The following PCDH15 variants were observed in gnomAD, a reference collection of about 807,000 sequenced individuals.
PCDH15 encodes protocadherin-15.
A neutral mutation model predicts 178.5 loss-of-function variants in PCDH15; 129 were observed. The observed-to-expected ratio is 0.72, with a 90% CI of 0.63 to 0.84. The LOEUF (loss-of-function observed/expected upper bound fraction) is 0.84. Among genes scored for constraint, PCDH15 ranks in the 40% least tolerant of loss-of-function variants. The pLI is 0.00. For missense variants in PCDH15, 2,230 were observed against 2,099.9 expected (o/e 1.06, Z -1.21); for synonymous variants, 800 against 732.0 (o/e 1.09, Z -1.50).
chr10:54,594,622 C>T (rs1232020739), intron 2 of PCDH15, among the ~76,000 whole-genome samples: 2 of 152,170 alleles, frequency 1.3e-5, no homozygotes, highest in African/African-American at 4.8e-5. Context: ...TACTGCTTTG[C>T]TGGCAGGCAC....
chr10:55,303,086 G>GATAT lies in PCDH15; in HGVS notation c.-156+16509_-156+16512dup, dbSNP rs34113387. On this transcript the variant is annotated intron_variant, in intron 1 of 5. Transcript: ENST00000458638. Reference sequence around the variant, plus strand: ...AAGATAAGAAAACAAAGATATTTGAGATATATATATATATATATACACACA... The same window carrying GATAT: ...AAGATAAGAAAACAAAGATATTTGAGATATATATATATATATATATATACACACA... 6.9e-4 allele frequency among the ~76,000 whole-genome samples: 103 copies of GATAT among 149,530 alleles called. 1 individual carries two copies. The East Asian group carries it at 7.7e-3, about 11-fold the overall frequency.
At chr10:54,928,950 T>C (rs1837698795) in intron 2 of PCDH15, among the ~76,000 whole-genome samples, 1 of 152,198 alleles carries the variant, frequency 6.6e-6, no homozygotes, top group African/African-American at 2.4e-5. Context: ...CTCAGCTCAC[T>C]TCAGAATCCT....
chr10:54,408,169 A>T (rs1473638717), intron 3 of PCDH15, among the ~76,000 whole-genome samples: 1 of 151,524 alleles, frequency 6.6e-6, no homozygotes, highest in African/African-American at 2.4e-5. Context: ...GTTTTTTTAA[A>T]AAAAAAAAAT....
chr10:53,936,613 G>A (rs1333175413), intron 25 of PCDH15, among the ~76,000 whole-genome samples: 1 of 152,022 alleles, frequency 6.6e-6, no homozygotes, highest in Non-Finnish European at 1.5e-5. Flanking sequence ...AATATTCCTA[G>A]TGTTAAACTT....
At chr10:54,011,103 T>G (rs977742981) in intron 20 of PCDH15, among the ~76,000 whole-genome samples, 2 of 146,464 alleles carry the variant, frequency 1.4e-5, no homozygotes, top group Non-Finnish European at 3.1e-5. Flanking sequence ...AGGCCAGCAG[T>G]GCAGCCACCC....
chr10:54,060,427 T>G (rs1432357369), intron 18 of PCDH15, among the ~76,000 whole-genome samples: 1 of 152,200 alleles, frequency 6.6e-6, no homozygotes, highest in Non-Finnish European at 1.5e-5. Context: ...AAAATATTAC[T>G]TTCTATAATA....
chr10:54,213,560 AAC>A (rs1256655836), intron 10 of PCDH15, among the ~76,000 whole-genome samples: 5 of 151,446 alleles, frequency 3.3e-5, no homozygotes, highest in Non-Finnish European at 7.4e-5. Flanking sequence ...AAATTAAAAC[AAC>A]ATATAAATCA....
intron 3 of PCDH15, among the ~76,000 whole-genome samples, chr10:54,892,092 C>T (rs910413032): frequency 5.3e-5 from 8 of 152,100 alleles, no homozygotes; most frequent in African/African-American, 7.2e-5. Flanking sequence ...CACCCCCAGA[C>T]GCTACTTTAG....
chr10:54,405,382 A>G (rs1163687803), intron 3 of PCDH15, among the ~76,000 whole-genome samples: 3 of 152,090 alleles, frequency 2.0e-5, no homozygotes, highest in Non-Finnish European at 4.4e-5. Context: ...TGTCTTTTGC[A>G]CGAACATGGA....
intron 2 of PCDH15, among the ~76,000 whole-genome samples, chr10:54,544,121 A>G (rs976594358): frequency 1.3e-5 from 2 of 152,200 alleles, no homozygotes; most frequent in Non-Finnish European, 2.9e-5. Context: ...AAACCAAGTC[A>G]GATCAGTAAT....
intron 8 of PCDH15, among the ~76,000 whole-genome samples, chr10:54,315,551 A>G (rs550698593): frequency 1.3e-5 from 2 of 152,202 alleles, no homozygotes; most frequent in African/African-American, 4.8e-5. Flanking sequence ...CCATTTGTCA[A>G]TGTTTGCTTT....
chr10:54,493,603 TG>T (rs2079816785), intron 3 of PCDH15, among the ~76,000 whole-genome samples: 2 of 151,374 alleles, frequency 1.3e-5, no homozygotes, highest in Admixed American at 1.3e-4. Flanking sequence ...CCAGTGACCC[TG>T]AAAAAAAAAA....
At position 53,804,546 on chromosome 10, in the gene PCDH15, C is replaced by T. The variant is rs1226470485; in HGVS notation, c.*2033G>A. 1 of 151,732 alleles carries T rather than the reference C, an allele frequency of 6.6e-6. No homozygotes were observed. The highest frequency in any genetic ancestry group is 1.5e-5 in the Non-Finnish European group (1 of 67,866). 9.4% of individuals were successfully genotyped at this position (151,732 alleles called of 1,614,324 possible). ...GAAAGAAAAAAATGTGAGAAAGGCA[C>T]AACAACAGAATAAGTTAAATGTCAC... is the stretch of plus-strand genomic sequence containing the variant. On this transcript the variant is annotated 3_prime_UTR_variant, in exon 38 of 38. Coordinates refer to ENST00000644397, the MANE Select transcript of PCDH15 (RefSeq NM_001384140.1).
chr10:54,922,237 A>C (rs1454686781), intron 2 of PCDH15, among the ~76,000 whole-genome samples: 2 of 152,104 alleles, frequency 1.3e-5, no homozygotes, highest in Non-Finnish European at 2.9e-5. Context: ...TCAAAAGTCC[A>C]AGCCCAAAAT....
intron 1 of PCDH15, among the ~76,000 whole-genome samples, chr10:55,308,222 T>C (rs1471577081): frequency 6.6e-6 from 1 of 152,138 alleles, no homozygotes; most frequent in Non-Finnish European, 1.5e-5. Context: ...CATGGGCCCT[T>C]GGTTTTGAGA....
chr10:54,653,443 G>A lies in PCDH15; in HGVS notation c.91+10729C>T, dbSNP rs564760777. 6.0e-4 allele frequency among the ~76,000 whole-genome samples: 92 copies of A among 152,276 alleles called. 1 individual carries two copies. The highest frequency in any genetic ancestry group is 2.1e-3 in the African/African-American group (87 of 41,562). On this transcript the variant is annotated intron_variant, in intron 2 of 37. Coordinates refer to ENST00000644397, the MANE Select transcript of PCDH15 (RefSeq NM_001384140.1). ...TCTAGGCAGTCCAAACTGAAGGTGT[G>A]TATTTTTAACCACCACATTCTACTG... is the stretch of plus-strand genomic sequence containing the variant.
chr10:55,003,230 C>T (rs1219681908), intron 2 of PCDH15, among the ~76,000 whole-genome samples: 1 of 152,140 alleles, frequency 6.6e-6, no homozygotes, highest in African/African-American at 2.4e-5. Context: ...TAGCTACGGT[C>T]CAGGGCTTGC....
chr10:55,581,243 A>G (rs1376239965), intron 2 of PCDH15, among the ~76,000 whole-genome samples: 1 of 152,134 alleles, frequency 6.6e-6, no homozygotes, highest in Non-Finnish European at 1.5e-5. Flanking sequence ...CAAGGACAAA[A>G]TATTTCCAAA....
chr10:54,050,511 CT>C (rs1246489857), intron 18 of PCDH15, among the ~76,000 whole-genome samples: 2 of 151,990 alleles, frequency 1.3e-5, no homozygotes, highest in African/African-American at 4.8e-5. Context: ...GAAGAACCAA[CT>C]TTTGGTTTCA....
Sources: allele counts gnomAD v4.1 joint callset (sites outside exome capture counted in the v4.1 genomes callset), GRCh38; gene constraint gnomAD v4.1.1; transcripts MANE v1.5; gene names NCBI Gene and HGNC (gene_info 2026-07-23, HGNC 2026-07-21).